The following CREB5 variants were observed in gnomAD, a reference collection of about 807,000 sequenced individuals.
The protein encoded by CREB5 is cyclic AMP-responsive element-binding protein 5.
A neutral mutation model predicts 57.1 loss-of-function variants in CREB5; 19 were observed. The ratio of observed to expected loss-of-function variants is 0.33; its 90% CI spans 0.23 to 0.49. The LOEUF (loss-of-function observed/expected upper bound fraction) is 0.49, where lower values mean the gene tolerates loss of function less well. Ranked by LOEUF, CREB5 falls within the 20% of genes least tolerant of loss-of-function variation. The pLI is 0.99. For synonymous variants in CREB5, 238 were observed against 238.3 expected (o/e 1.00, Z 0.01); for missense variants, 579 against 671.6 (o/e 0.86, Z 1.52).
intron 1 of CREB5, among the ~76,000 whole-genome samples, chr7:28,450,710 G>A (rs1789752478): frequency 6.6e-6 from 1 of 152,244 alleles, no homozygotes; most frequent in South Asian, 2.1e-4. Context: ...GGTGGCAGGA[G>A]ATAAGCACTG....
In CREB5 at chr7:28,431,568, T is replaced by C. The variant is rs73073911; in HGVS notation, c.3+18651T>C. ...CAAGAAAGCATTTGAAAGGTACCTT[T>C]CAAATATTGGAGGTAAACAAAGGTC... On this transcript the variant is annotated intron_variant, in intron 1 of 10. Transcript: ENST00000357727. Among the ~76,000 whole-genome samples, 1,500 of 152,252 alleles carry C rather than the reference T, an allele frequency of 9.9e-3. 15 individuals carry two copies. Among genetic ancestry groups the C allele is most frequent in the Non-Finnish European group, 0.017 (1,130 of 68,016 alleles).
At chr7:28,560,907 T>TGTGCGTGCGTGTGCGTGCGC (rs1345229998) in intron 4 of CREB5, among the ~76,000 whole-genome samples, 1 of 42,722 alleles carries the variant, frequency 2.3e-5, no homozygotes, top group Non-Finnish European at 4.1e-5. Flanking sequence ...CGTGCGCGCG[T>TGTGCGTGCGTGTGCGTGCGC]GCGTGTGCGT....
At chr7:28,718,469 C>A (rs571005928) in intron 5 of CREB5, among the ~76,000 whole-genome samples, 2 of 152,218 alleles carry the variant, frequency 1.3e-5, no homozygotes, top group Admixed American at 1.3e-4. Context: ...TCCTAAGATG[C>A]GAGCGTTTAG....
In CREB5 at chr7:28,821,194, G is replaced by A. The variant is rs1278373741; in HGVS notation, c.*1915G>A. On this transcript the variant is annotated 3_prime_UTR_variant, in exon 11 of 11. Transcript: ENST00000357727. The stretch of plus-strand genomic sequence containing the variant: ...TTAAAAGAACAGTATTTTACAAAAG[G>A]TGTAGCTTTTATAAGAGTGCAGAAA... 1.3e-5 allele frequency: 2 copies of A among 151,488 alleles called. No homozygotes were observed. Among genetic ancestry groups the A allele is most frequent in the Non-Finnish European group, 2.9e-5 (2 of 67,870 alleles). 9.4% of individuals were successfully genotyped at this position (151,488 alleles called of 1,614,324 possible).
At chr7:28,490,243 A>G (rs1302092866) in intron 2 of CREB5, among the ~76,000 whole-genome samples, 1 of 152,236 alleles carries the variant, frequency 6.6e-6, no homozygotes, top group Non-Finnish European at 1.5e-5. Context: ...TAATCACATG[A>G]TCAGTAAATC....
upstream of CREB5, chr7:28,409,434 A>G (rs1029400668): frequency 1.3e-5 from 2 of 156,944 alleles, no homozygotes; most frequent in African/African-American, 4.8e-5. This position sits in a 1 kb window ranked among gnomAD's most constrained non-coding sequence, Gnocchi z 4.4. Flanking sequence ...GTAAGTTCCT[A>G]AAAATACGGC....
At chr7:28,322,574 G>T (rs1472456585) in intron 1 of CREB5, among the ~76,000 whole-genome samples, 1 of 151,668 alleles carries the variant, frequency 6.6e-6, no homozygotes, top group African/African-American at 2.4e-5. Flanking sequence ...TTAGGTATTT[G>T]TCCTAATGCC....
intron 4 of CREB5, among the ~76,000 whole-genome samples, chr7:28,516,555 C>T (rs962923448): frequency 7.9e-5 from 12 of 152,196 alleles, no homozygotes; most frequent in African/African-American, 2.9e-4. Flanking sequence ...CCTGTAAGGG[C>T]CACTTCTTTG....
intron 9 of CREB5, among the ~76,000 whole-genome samples, chr7:28,817,186 A>G (rs34758752): frequency 0.074 from 11,335 of 152,204 alleles, 573 homozygotes; most frequent in East Asian, 0.19. Context: ...CAAATAATCA[A>G]TGAACTCAAT....
intron 5 of CREB5, among the ~76,000 whole-genome samples, chr7:28,664,279 A>C (rs1799724115): frequency 6.6e-6 from 1 of 152,204 alleles, no homozygotes; most frequent in African/African-American, 2.4e-5. Context: ...TGTCACATCA[A>C]ATCCTTGGTT....
chr7:28,493,422 G>T (rs988617705), intron 2 of CREB5, among the ~76,000 whole-genome samples: 3 of 152,166 alleles, frequency 2.0e-5, no homozygotes, highest in African/African-American at 7.2e-5. Context: ...AGCAACAAAG[G>T]CTTATTTCTA....
chr7:28,686,061 C>T, intron 5 of CREB5: 1 of 1,473,124 alleles, frequency 6.8e-7, no homozygotes, highest in Non-Finnish European at 9.4e-7. Context: ...TACATCATCG[C>T]TTGGCCTGGA....
intron 5 of CREB5, among the ~76,000 whole-genome samples, chr7:28,645,896 T>G (rs953436593): frequency 3.3e-5 from 5 of 152,210 alleles, no homozygotes; most frequent in Non-Finnish European, 7.3e-5. Flanking sequence ...TCATCCAATC[T>G]GTTGAGGGCC....
At chr7:28,629,819 G>A (rs1377052599) in intron 5 of CREB5, among the ~76,000 whole-genome samples, 1 of 152,190 alleles carries the variant, frequency 6.6e-6, no homozygotes, top group Non-Finnish European at 1.5e-5. Flanking sequence ...TTCCTGTATT[G>A]AGTGTCCACC....
intron 4 of CREB5, among the ~76,000 whole-genome samples, chr7:28,549,790 G>T (rs547144875): frequency 6.6e-6 from 1 of 152,036 alleles, no homozygotes; most frequent in South Asian, 2.1e-4. Flanking sequence ...TACATAAGGG[G>T]GAAAAAGAAT....
chr7:28,472,803 C>G (rs1321334387), intron 1 of CREB5, among the ~76,000 whole-genome samples: 2 of 152,204 alleles, frequency 1.3e-5, no homozygotes, highest in African/African-American at 2.4e-5. Flanking sequence ...CAGTGCTTCT[C>G]TGTGCTCTGA....
intron 5 of CREB5, among the ~76,000 whole-genome samples, chr7:28,696,816 G>A (rs550448256): frequency 3.3e-5 from 5 of 150,686 alleles, no homozygotes; most frequent in South Asian, 2.1e-4. Flanking sequence ...ATACACATAC[G>A]TATACGTATA....
At chr7:28,321,342 A>C (rs1785492216) in intron 1 of CREB5, among the ~76,000 whole-genome samples, 1 of 151,920 alleles carries the variant, frequency 6.6e-6, no homozygotes, top group Admixed American at 6.6e-5. Flanking sequence ...AGGGCTGGCT[A>C]TATAATTTGT....
At chr7:28,326,885 G>T (rs534899638) in intron 1 of CREB5, among the ~76,000 whole-genome samples, 1 of 152,170 alleles carries the variant, frequency 6.6e-6, no homozygotes. Flanking sequence ...GCTCATGCCT[G>T]TAATCCCAGC....
Sources: gnomAD v4.1 joint callset for allele counts (sites outside exome capture counted in the v4.1 genomes callset) on GRCh38, gnomAD v4.1.1 for gene constraint, Gnocchi (gnomAD v3.1) non-coding constraint, MANE v1.5 for transcripts, NCBI Gene and HGNC (gene_info 2026-07-23, HGNC 2026-07-21) for gene names.